The following MSR1 variants were observed in gnomAD, a reference collection of about 807,000 sequenced individuals.
The protein encoded by MSR1 is macrophage scavenger receptor 1, also known as macrophage scavenger receptor types I and II.
Under a neutral mutation model 47.2 loss-of-function variants are expected in MSR1, and 53 were observed. The ratio of observed to expected loss-of-function variants is 1.12; its 90% CI spans 0.90 to 1.41. The LOEUF is 1.41. MSR1 is among the 40% of genes most tolerant of loss of function. MSR1 has a pLI of 0.00. For missense variants in MSR1, 786 were observed against 546.9 expected, an observed-to-expected ratio of 1.44 and a Z score of -4.36; for synonymous variants, 239 against 185.6, an observed-to-expected ratio of 1.29 and a Z score of -2.34.
At chr8:16,167,713 T>C (rs1801354431) in intron 4 of MSR1, among the ~76,000 whole-genome samples, 1 of 152,168 alleles carries the variant, frequency 6.6e-6, no homozygotes, top group African/African-American at 2.4e-5. Flanking sequence ...TAGTATTTCT[T>C]CTCCATTCTT....
intron 1 of MSR1, among the ~76,000 whole-genome samples, chr8:16,178,871 A>T (rs1179600312): frequency 3.4e-5 from 5 of 146,014 alleles, no homozygotes; most frequent in Non-Finnish European, 4.4e-5. Context: ...ATGAGCATTT[A>T]AAAAAAAATG....
intron 3 of MSR1, among the ~76,000 whole-genome samples, chr8:16,169,633 C>A (rs1402566780): frequency 2.0e-5 from 3 of 151,966 alleles, no homozygotes; most frequent in Non-Finnish European, 2.9e-5. Context: ...GTGTCTCAAC[C>A]CTTATCATAT....
chr8:16,127,240 T>G (rs1800149690), intron 8 of MSR1, among the ~76,000 whole-genome samples: 1 of 152,156 alleles, frequency 6.6e-6, no homozygotes, highest in African/African-American at 2.4e-5. Flanking sequence ...GATAAAAGCC[T>G]CACGAGTCAT....
intron 9 of MSR1, among the ~76,000 whole-genome samples, chr8:16,119,316 C>T (rs1232658421): frequency 2.6e-5 from 4 of 152,142 alleles, no homozygotes; most frequent in Admixed American, 2.6e-4. Flanking sequence ...ACCTCCACCT[C>T]CTGGGTCCAA....
rs545174860 is a variant in MSR1 at position 16,188,492 on chromosome 8, C to A, written c.-5+4106G>T. 4.6e-5 allele frequency among the ~76,000 whole-genome samples: 7 copies of A among 151,702 alleles called. No individual in the cohort carries two copies. The South Asian group carries it at 1.5e-3, about 32-fold the overall frequency. ...TAATATTTCAAACGAATTTTTCAAA[C>A]TTGAAATTTTTTTTATTATTCTTTA... On this transcript the variant is annotated intron_variant, in intron 1 of 9. Coordinates refer to ENST00000262101, the MANE Select transcript of MSR1 (RefSeq NM_138715.3).
In MSR1 at chr8:16,191,986, T is replaced by A. The variant is rs538777474; in HGVS notation, c.-5+612A>T. 1.8e-3 allele frequency among the ~76,000 whole-genome samples: 269 copies of A among 152,304 alleles called. 1 individual carries two copies. The highest frequency in any genetic ancestry group is 6.3e-3 in the African/African-American group (262 of 41,566). The stretch of plus-strand genomic sequence containing the variant: ...ACTACTTAAGGTGCTAGTAATTATC[T>A]ATAGTACTTTCATACTACTTAAGGT... On this transcript the variant is annotated intron_variant, in intron 1 of 9. Transcript: ENST00000262101.
chr8:16,175,387 T>C (rs1424018258), intron 2 of MSR1, 87 bp from the exon 3 acceptor site: 1 of 1,070,584 alleles, frequency 9.3e-7, no homozygotes, highest in Non-Finnish European at 1.4e-6. Flanking sequence ...ATTATATTCT[T>C]ACTACCAAGC....
At chr8:16,190,778 A>G (rs769522211) in intron 1 of MSR1, among the ~76,000 whole-genome samples, 3 of 147,168 alleles carry the variant, frequency 2.0e-5, no homozygotes, top group Non-Finnish European at 4.4e-5. Flanking sequence ...CTGGAGTGCA[A>G]TGGCGTGATC....
rs1801237046 is a variant in MSR1 at position 16,164,121 on chromosome 8, A to C, written c.761T>G (p.Leu254Arg). The C allele has an allele frequency of 1.2e-6, 2 of 1,611,742 alleles. No individual in the cohort carries two copies. Among genetic ancestry groups the C allele is most frequent in the South Asian group, 2.2e-5 (2 of 90,938 alleles). The change falls in exon 5 of 10, where the codon CTC becomes CGC. Residue 254 changes from leucine (L) to arginine (R), a missense_variant. Transcript: ENST00000262101. ...AGAATGTTCCCAATCTTTCAGTCTGAGATCATTAGTGATGTTATTCAGTAC... is the reference window on the plus strand; with the variant it reads ...AGAATGTTCCCAATCTTTCAGTCTGCGATCATTAGTGATGTTATTCAGTAC... ...VKVLNNITNDLRLKDWEHSQT... is the reference protein window; with the variant it reads ...VKVLNNITNDRRLKDWEHSQT...
At chr8:16,174,049 T>C (rs186609657) in intron 3 of MSR1, among the ~76,000 whole-genome samples, 1 of 152,190 alleles carries the variant, frequency 6.6e-6, no homozygotes, top group Non-Finnish European at 1.5e-5. Flanking sequence ...AAGTCTTGGA[T>C]GGGAACTCCA....
In MSR1 at chr8:16,140,112, T is replaced by C. The variant is rs568169314; in HGVS notation, c.1033+3446A>G. 3.1e-4 allele frequency: 309 copies of C among 984,008 alleles called. 1 individual carries two copies. The highest frequency in any genetic ancestry group is 3.5e-4 in the Non-Finnish European group (293 of 828,994). The allele number at this position is 984,008 out of a possible 1,614,324, so 61.0% of individuals were successfully genotyped here. A position where few individuals can be genotyped will look rare whatever the true frequency, so the allele number is the denominator to read the frequency against. On this transcript the variant is annotated intron_variant, in intron 8 of 9. Transcript: ENST00000262101. ...ATGATTGAATGAATGGATTTTCTTCTATGACATCCCTATCTCTGGTTGAGA... is the reference window on the plus strand; with the variant it reads ...ATGATTGAATGAATGGATTTTCTTCCATGACATCCCTATCTCTGGTTGAGA...
chr8:16,137,485 C>A (rs998837523), intron 8 of MSR1, among the ~76,000 whole-genome samples: 4 of 151,992 alleles, frequency 2.6e-5, no homozygotes, highest in African/African-American at 9.7e-5. Context: ...TCTTTGCATA[C>A]CCTCCACATG....
Position 16,150,207 on chromosome 8 carries a change from A to G in MSR1, c.979+24T>C, listed in dbSNP as rs1315244530. The G allele has an allele frequency of 4.9e-6, 6 of 1,235,590 alleles. No individual in the cohort carries two copies. The African/African-American group carries it at 9.4e-5, about 19-fold the overall frequency. The allele number at this position is 1,235,590 out of a possible 1,614,324, so 76.5% of individuals were successfully genotyped here. The stretch of plus-strand genomic sequence containing the variant: ...GGTGTTTCTTCTACATATTCTATAA[A>G]GAAAATACACATTATTGTAATACCT... On this transcript the variant is annotated intron_variant, in intron 7 of 9. Coordinates refer to ENST00000262101, the MANE Select transcript of MSR1 (RefSeq NM_138715.3).
chr8:16,190,023 T>G (rs1802150055), intron 1 of MSR1, among the ~76,000 whole-genome samples: 1 of 150,844 alleles, frequency 6.6e-6, no homozygotes, highest in Non-Finnish European at 1.5e-5. Context: ...CACGTGATTC[T>G]CCTGCCTCAG....
chr8:16,186,337 C>A, intron 1 of MSR1: 1 of 713,604 alleles, frequency 1.4e-6, no homozygotes, highest in East Asian at 2.7e-5. Context: ...ATCTCACTAG[C>A]CTCATTGCTT....
intron 7 of MSR1, among the ~76,000 whole-genome samples, chr8:16,146,533 C>T (rs1207923019): frequency 1.3e-5 from 2 of 152,116 alleles, no homozygotes; most frequent in Non-Finnish European, 2.9e-5. Flanking sequence ...CCCCACCCCA[C>T]AGAATCTGCT....
chr8:16,119,677 GAGA>G (rs1441562123), intron 9 of MSR1, among the ~76,000 whole-genome samples: 8 of 151,786 alleles, frequency 5.3e-5, no homozygotes, highest in African/African-American at 1.9e-4. Flanking sequence ...CTAGGCATTT[GAGA>G]AGTTCATCTT....
intron 6 of MSR1, among the ~76,000 whole-genome samples, chr8:16,153,229 T>A (rs1031050112): frequency 3.3e-5 from 5 of 152,138 alleles, no homozygotes; most frequent in Non-Finnish European, 5.9e-5. Flanking sequence ...ATTAGTATGA[T>A]TGTCCATCAT....
intron 8 of MSR1, among the ~76,000 whole-genome samples, chr8:16,132,563 C>T (rs1349294132): frequency 6.6e-6 from 1 of 152,120 alleles, no homozygotes; most frequent in Non-Finnish European, 1.5e-5. Context: ...TCTTGGCTCA[C>T]TGCAACCCCT....
Sources: gnomAD v4.1 joint callset for allele counts (sites outside exome capture counted in the v4.1 genomes callset) on GRCh38, gnomAD v4.1.1 for gene constraint, MANE v1.5 for transcripts, NCBI Gene and HGNC (gene_info 2026-07-23, HGNC 2026-07-21) for gene names.